Variants in PDGFD observed in about 807,000 individuals in gnomAD.
The protein encoded by PDGFD is platelet-derived growth factor D.
Under a neutral mutation model 44.7 loss-of-function variants are expected in PDGFD, and 30 were observed. The observed-to-expected ratio is 0.67, with a 90% CI of 0.50 to 0.91. The LOEUF (loss-of-function observed/expected upper bound fraction) is 0.91, where lower values mean the gene tolerates loss of function less well. Ranked by LOEUF, PDGFD falls within the 40% of genes least tolerant of loss-of-function variation. PDGFD has a pLI of 0.00. For synonymous variants in PDGFD, 173 were observed against 168.4 expected, an observed-to-expected ratio of 1.03 and a Z score of -0.21; for missense variants, 445 against 457.8, an observed-to-expected ratio of 0.97 and a Z score of 0.25.
chr11:104,042,806 A>G (rs1860378372), intron 1 of PDGFD, among the ~76,000 whole-genome samples: 1 of 152,184 alleles, frequency 6.6e-6, no homozygotes, highest in Non-Finnish European at 1.5e-5. Flanking sequence ...CCATTTTGAA[A>G]CCTTACTTTA....
At chr11:104,008,896 T>TATA (rs200640658) in intron 1 of PDGFD, among the ~76,000 whole-genome samples, 1 of 152,076 alleles carries the variant, frequency 6.6e-6, no homozygotes. Flanking sequence ...ATATGCATAT[T>TATA]ATAATAATAA....
chr11:104,162,646 A>G (rs1862407655), intron 1 of PDGFD, among the ~76,000 whole-genome samples: 1 of 152,176 alleles, frequency 6.6e-6, no homozygotes, highest in African/African-American at 2.4e-5. Flanking sequence ...TCATCATCAG[A>G]TAACATAATG....
chr11:104,144,507 C>CCAAAAAAAA (rs1862133275), intron 1 of PDGFD, among the ~76,000 whole-genome samples: 1 of 73,820 alleles, frequency 1.4e-5, no homozygotes, highest in East Asian at 3.5e-4. Context: ...ACTCCGTCAC[C>CCAAAAAAAA]AAAAAAAAAA....
intron 1 of PDGFD, among the ~76,000 whole-genome samples, chr11:104,131,823 A>AT (rs1348382358): frequency 1.7e-5 from 2 of 114,844 alleles, no homozygotes; most frequent in Non-Finnish European, 3.7e-5. Context: ...AAAAAAAAAA[A>AT]AAAAGGGGAT....
At chr11:103,912,368 C>A (rs1413263635) in intron 6 of PDGFD, among the ~76,000 whole-genome samples, 1 of 152,156 alleles carries the variant, frequency 6.6e-6, no homozygotes, top group African/African-American at 2.4e-5. Flanking sequence ...AATTTCATAT[C>A]CAGCCAAACC....
At chr11:103,927,521 C>T (rs2134311336) in intron 5 of PDGFD, among the ~76,000 whole-genome samples, 1 of 152,152 alleles carries the variant, frequency 6.6e-6, no homozygotes, top group African/African-American at 2.4e-5. Context: ...GACTCTAAGC[C>T]ATCACTTAAA....
chr11:104,158,517 G>A (rs1862340839), intron 1 of PDGFD, among the ~76,000 whole-genome samples: 1 of 152,222 alleles, frequency 6.6e-6, no homozygotes, highest in South Asian at 2.1e-4. Flanking sequence ...ACAATATACA[G>A]GAGGCATTAG....
intron 1 of PDGFD, among the ~76,000 whole-genome samples, chr11:104,136,059 G>A (rs1274219600): frequency 1.3e-5 from 2 of 152,106 alleles, no homozygotes; most frequent in Non-Finnish European, 2.9e-5. Context: ...GGATGAGGAG[G>A]GAGAGAGGAG....
intron 3 of PDGFD, among the ~76,000 whole-genome samples, chr11:103,973,138 C>T (rs1228959473): frequency 5.9e-4 from 79 of 134,402 alleles, no homozygotes; most frequent in African/African-American, 2.1e-3. Flanking sequence ...AAAGTGGTCA[C>T]TTTTTTTTTT....
chr11:104,014,508 C>T (rs1176534069), intron 1 of PDGFD, among the ~76,000 whole-genome samples: 1 of 152,184 alleles, frequency 6.6e-6, no homozygotes, highest in Non-Finnish European at 1.5e-5. Context: ...AACAGACAAA[C>T]AAACAAACAA....
chr11:104,006,708 G>A (rs971107833), intron 1 of PDGFD, among the ~76,000 whole-genome samples: 6 of 152,186 alleles, frequency 3.9e-5, no homozygotes, highest in African/African-American at 1.4e-4. Flanking sequence ...AGGAGCATCT[G>A]AATATCAAGA....
chr11:103,974,087 T>C (rs1408189581), intron 3 of PDGFD, among the ~76,000 whole-genome samples: 1 of 151,950 alleles, frequency 6.6e-6, no homozygotes, highest in African/African-American at 2.4e-5. Flanking sequence ...GAAATTATGG[T>C]GGTCATATCC....
chr11:103,939,520 C>T (rs574537577), intron 5 of PDGFD, among the ~76,000 whole-genome samples: 27 of 152,212 alleles, frequency 1.8e-4, no homozygotes, highest in African/African-American at 6.5e-4. Context: ...ATTTGACTTC[C>T]TCTTTTCCTA....
chr11:103,959,422 T>A (rs374670669), intron 3 of PDGFD, among the ~76,000 whole-genome samples: 1 of 152,210 alleles, frequency 6.6e-6, no homozygotes, highest in African/African-American at 2.4e-5. Context: ...ACTAGAGAGA[T>A]GGTTAATGTA....
intron 5 of PDGFD, among the ~76,000 whole-genome samples, chr11:103,935,298 T>C (rs141709665): frequency 1.3e-5 from 2 of 152,258 alleles, no homozygotes; most frequent in East Asian, 1.9e-4. Flanking sequence ...CTGAAAGTTG[T>C]CCCACTGCTG....
intron 1 of PDGFD, among the ~76,000 whole-genome samples, chr11:104,095,263 T>C (rs1252414328): frequency 6.6e-6 from 1 of 152,128 alleles, no homozygotes; most frequent in East Asian, 1.9e-4. Context: ...AACTATAATC[T>C]CCATAATGGA....
rs529344350 is a variant in PDGFD, at chr11:104,038,027, T to C, written c.125-37772A>G. On this transcript the variant is annotated intron_variant, in intron 1 of 6. Coordinates refer to ENST00000393158, the MANE Select transcript of PDGFD (RefSeq NM_025208.5). Reference sequence around the variant, plus strand: ...AAAGAGCATTAAAGCACGTTATAAATATGTTACCACCTTGAGGGAGCCTCA... The same window carrying C: ...AAAGAGCATTAAAGCACGTTATAAACATGTTACCACCTTGAGGGAGCCTCA... The C allele has an allele frequency of 4.4e-6, 7 of 1,602,150 alleles. No homozygotes were observed. The Admixed American group carries it at 1.2e-4, about 27-fold the overall frequency.
intron 1 of PDGFD, chr11:104,037,506 T>C (rs888732796): frequency 1.2e-6 from 2 of 1,613,978 alleles, no homozygotes; most frequent in Non-Finnish European, 1.7e-6. Context: ...AAAACATGAA[T>C]ATAGCGATAG....
intron 1 of PDGFD, among the ~76,000 whole-genome samples, chr11:104,088,088 C>T (rs1861160386): frequency 1.3e-5 from 2 of 152,206 alleles, no homozygotes; most frequent in African/African-American, 4.8e-5. Context: ...ACTTCAATTA[C>T]ATCACACTAA....
Sources: allele counts gnomAD v4.1 joint callset (sites outside exome capture counted in the v4.1 genomes callset), GRCh38; gene constraint gnomAD v4.1.1; transcripts MANE v1.5; gene names NCBI Gene and HGNC (gene_info 2026-07-23, HGNC 2026-07-21).